Variants in GAN observed in about 807,000 individuals in gnomAD.
The protein encoded by GAN is epididymis secretory sperm binding protein.
Under a neutral mutation model 71.3 loss-of-function variants are expected in GAN, and 48 were observed. The observed-to-expected ratio is 0.67, with a 90% CI of 0.53 to 0.86. The LOEUF (loss-of-function observed/expected upper bound fraction) is 0.86. Ranked by LOEUF, GAN falls within the 40% of genes least tolerant of loss-of-function variation. The probability of loss-of-function intolerance (pLI) is 0.00; values close to 1 mark genes in which losing one functional copy is unlikely to be tolerated. For synonymous variants in GAN, 386 were observed against 276.8 expected, an observed-to-expected ratio of 1.39 and a Z score of -3.92; for missense variants, 928 against 770.1, an observed-to-expected ratio of 1.21 and a Z score of -2.43.
chr16:81,319,177 T>C (rs1909142712), intron 1 of GAN, among the ~76,000 whole-genome samples: 1 of 141,042 alleles, frequency 7.1e-6, no homozygotes, highest in South Asian at 2.3e-4. Context: ...AGACCCTGTC[T>C]CTTAAATTAA....
At chr16:81,354,016 G>C (rs1019255000) in intron 2 of GAN, among the ~76,000 whole-genome samples, 1 of 152,134 alleles carries the variant, frequency 6.6e-6, no homozygotes. Flanking sequence ...ATTTTCATCA[G>C]TTCTGATGCT....
rs148340261 is a variant in GAN at position 81,365,625 on chromosome 16, G to A, written c.1502+147G>A. 1.2e-3 allele frequency: 988 copies of A among 804,648 alleles called. 4 individuals carry two copies. The African/African-American group carries it at 0.016, about 13-fold the overall frequency. The allele number at this position is 804,648 out of a possible 1,614,324, so 49.8% of individuals were successfully genotyped here. A position where few individuals can be genotyped will look rare whatever the true frequency, so the allele number is the denominator to read the frequency against. The stretch of plus-strand genomic sequence containing the variant: ...CTCATGCATACTAGATATTTATTCA[G>A]TGACTTCACAAGTGCTAGTAACTTA... On this transcript the variant is annotated intron_variant, in intron 9 of 10. Transcript: ENST00000648994.
chr16:81,350,518 A>ATTTT (rs11430822), intron 1 of GAN, among the ~76,000 whole-genome samples: 2 of 145,140 alleles, frequency 1.4e-5, no homozygotes, highest in Non-Finnish European at 3.0e-5. Flanking sequence ...TACTTACTTA[A>ATTTT]TTTTTTTTTT....
chr16:81,368,685 C>T (rs1261638179), intron 9 of GAN, among the ~76,000 whole-genome samples: 1 of 152,190 alleles, frequency 6.6e-6, no homozygotes, highest in South Asian at 2.1e-4. Context: ...TTTTTTAAAT[C>T]TTGGTAGCAT....
intron 1 of GAN, 84 bp downstream of exon 1, chr16:81,315,364 A>G: frequency 2.0e-6 from 2 of 1,009,696 alleles, no homozygotes; most frequent in Non-Finnish European, 2.6e-6. Context: ...TGGCCCCCAG[A>G]CCCTGTCCCC....
intron 1 of GAN, among the ~76,000 whole-genome samples, chr16:81,325,628 T>G (rs750395176): frequency 1.3e-5 from 2 of 152,162 alleles, no homozygotes; most frequent in Non-Finnish European, 2.9e-5. Context: ...CTAGACCAAT[T>G]GAGAGCAGCG....
chr16:81,320,464 C>T (rs1377740558), intron 1 of GAN, among the ~76,000 whole-genome samples: 1 of 152,180 alleles, frequency 6.6e-6, no homozygotes, highest in Non-Finnish European at 1.5e-5. Context: ...ACTAAGTGTT[C>T]CCTGGTAATG....
chr16:81,371,977 A>G (rs1911049085), intron 9 of GAN: 2 of 152,270 alleles, frequency 1.3e-5, no homozygotes, highest in Admixed American at 1.3e-4. Flanking sequence ...TACTTCTGCC[A>G]TACTGGAAGC....
chr16:81,367,462 G>A (rs1162283097), intron 9 of GAN, among the ~76,000 whole-genome samples: 1 of 152,138 alleles, frequency 6.6e-6, no homozygotes, highest in Admixed American at 6.5e-5. Context: ...CCAGGAGGTG[G>A]AGTGTGCAGT....
chr16:81,366,288 C>T (rs1910854483), intron 9 of GAN, among the ~76,000 whole-genome samples: 1 of 152,172 alleles, frequency 6.6e-6, no homozygotes, highest in Non-Finnish European at 1.5e-5. Context: ...GTATCAGATG[C>T]TTAGTAAAAT....
In GAN at chr16:81,351,535, C is replaced by G. The variant is rs77078389; in HGVS notation, c.168-48C>G. ...GTTTTGAGTACATAAATATTTATAG[C>G]TATTTCTGTTCTTTCATAGAAATTT... is the stretch of plus-strand genomic sequence containing the variant. On this transcript the variant is annotated intron_variant, in intron 1 of 10. Transcript: ENST00000648994. 8.5e-3 allele frequency: 6,850 copies of G among 802,626 alleles called. 175 individuals are homozygous for G. The highest frequency in any genetic ancestry group is 0.077 in the East Asian group (3,164 of 40,934). 49.7% of individuals were successfully genotyped at this position (802,626 alleles called of 1,614,324 possible). A position where few individuals can be genotyped will look rare whatever the true frequency, so the allele number is the denominator to read the frequency against.
At chr16:81,365,259 G>A in intron 8 of GAN, 91 bp from the exon 9 acceptor site, 3 of 1,577,792 alleles carry the variant, frequency 1.9e-6, no homozygotes, top group East Asian at 2.2e-5. Context: ...ACGTAGTAAT[G>A]CTGCAGAGTT....
chr16:81,327,744 A>T (rs1476203593), intron 1 of GAN, among the ~76,000 whole-genome samples: 1 of 152,048 alleles, frequency 6.6e-6, no homozygotes, highest in African/African-American at 2.4e-5. Flanking sequence ...AGCAAGAAAG[A>T]ACCAGATAAG....
At chr16:81,364,324 C>T (rs757796684) in intron 7 of GAN, among the ~76,000 whole-genome samples, 40 of 152,134 alleles carry the variant, frequency 2.6e-4, no homozygotes, top group Non-Finnish European at 1.3e-4. Flanking sequence ...GATTAGAGTG[C>T]GGTGGCGCCA....
At chr16:81,376,676 A>G (rs1416633331) in intron 9 of GAN, among the ~76,000 whole-genome samples, 1 of 148,634 alleles carries the variant, frequency 6.7e-6, no homozygotes, top group Non-Finnish European at 1.5e-5. Context: ...GTATATACAT[A>G]TGTGTATATG....
chr16:81,337,982 G>C (rs957811807), intron 1 of GAN, among the ~76,000 whole-genome samples: 1 of 152,154 alleles, frequency 6.6e-6, no homozygotes, highest in African/African-American at 2.4e-5. Context: ...GTAATTCTAC[G>C]TAGCTGGTTT....
intron 5 of GAN, among the ~76,000 whole-genome samples, chr16:81,361,470 A>G (rs1219595568): frequency 2.6e-5 from 4 of 152,214 alleles, no homozygotes; most frequent in South Asian, 2.1e-4. Flanking sequence ...TCATCCTGAC[A>G]GTGTAGAACT....
intron 1 of GAN, among the ~76,000 whole-genome samples, chr16:81,345,606 C>T (rs909373780): frequency 1.3e-5 from 2 of 151,900 alleles, no homozygotes; most frequent in African/African-American, 2.4e-5. Flanking sequence ...GGGGTGGGGG[C>T]CTAGGGGAGG....
chr16:81,351,071 C>T (rs12103052), intron 1 of GAN, among the ~76,000 whole-genome samples: 62,986 of 151,962 alleles, frequency 0.41, 13,647 homozygotes, highest in Middle Eastern at 0.53. Context: ...ATATATTTCA[C>T]GGATGCAGTA....
Sources: gnomAD v4.1 joint callset for allele counts (sites outside exome capture counted in the v4.1 genomes callset) on GRCh38, gnomAD v4.1.1 for gene constraint, MANE v1.5 for transcripts, NCBI Gene and HGNC (gene_info 2026-07-23, HGNC 2026-07-21) for gene names.